The following AKT3 variants were observed in gnomAD, a reference collection of about 807,000 sequenced individuals.
AKT3 encodes RAC-gamma serine/threonine-protein kinase.
A neutral mutation model predicts 65.3 loss-of-function variants in AKT3; 15 were observed. The ratio of observed to expected loss-of-function variants is 0.23; its 90% CI spans 0.15 to 0.35. The LOEUF (loss-of-function observed/expected upper bound fraction) is 0.35, where lower values mean the gene tolerates loss of function less well. Among genes scored for constraint, AKT3 ranks in the 10% least tolerant of loss-of-function variants. AKT3 has a pLI of 1.00. For missense variants in AKT3, 243 were observed against 576.5 expected (o/e 0.42, Z 5.92); for synonymous variants, 206 against 183.8 (o/e 1.12, Z -0.98).
intron 4 of AKT3, 111 bp from the exon 5 acceptor site, chr1:243,646,148 A>T: frequency 2.3e-6 from 2 of 881,214 alleles, no homozygotes; most frequent in Middle Eastern, 5.2e-4. Context: ...GAGATCAAAC[A>T]CACTCAACAC....
chr1:243,719,448 T>C (rs1397298193), intron 2 of AKT3, among the ~76,000 whole-genome samples: 3 of 152,238 alleles, frequency 2.0e-5, no homozygotes, highest in Non-Finnish European at 4.4e-5. Flanking sequence ...AGTTCAACTT[T>C]AGTTTTCCTG....
chr1:243,697,724 T>C (rs182035475), intron 2 of AKT3, among the ~76,000 whole-genome samples: 9 of 152,146 alleles, frequency 5.9e-5, no homozygotes, highest in Non-Finnish European at 1.2e-4. Flanking sequence ...AAAGTAAACA[T>C]TGGAAAGCTG....
At chr1:243,795,478 T>A (rs1330402365) in intron 2 of AKT3, among the ~76,000 whole-genome samples, 2 of 132,552 alleles carry the variant, frequency 1.5e-5, no homozygotes, top group African/African-American at 5.5e-5. Flanking sequence ...TTTTTTTGGT[T>A]TTTTTTTTTT....
chr1:243,669,368 A>G (rs1035154910), intron 3 of AKT3, among the ~76,000 whole-genome samples: 1 of 152,200 alleles, frequency 6.6e-6, no homozygotes, highest in Admixed American at 6.5e-5. Context: ...CAAGAGAAAT[A>G]CTATGGGGTA....
chr1:243,518,151 A>G (rs1401222484), intron 12 of AKT3, among the ~76,000 whole-genome samples: 3 of 152,240 alleles, frequency 2.0e-5, no homozygotes, highest in Non-Finnish European at 2.9e-5. Flanking sequence ...CTTTGAATGA[A>G]AACTACTTTT....
At chr1:243,580,443 T>C (rs1448848356) in intron 8 of AKT3, among the ~76,000 whole-genome samples, 1 of 152,136 alleles carries the variant, frequency 6.6e-6, no homozygotes, top group African/African-American at 2.4e-5. Context: ...AGCAGGACAA[T>C]GTTTTAAATT....
chr1:243,633,221 C>T (rs1415141457), intron 6 of AKT3, among the ~76,000 whole-genome samples: 1 of 152,136 alleles, frequency 6.6e-6, no homozygotes, highest in Non-Finnish European at 1.5e-5. Flanking sequence ...TTCATTAGCA[C>T]TGGACCTGTC....
intron 2 of AKT3, among the ~76,000 whole-genome samples, chr1:243,799,331 T>C (rs1347617965): frequency 1.3e-5 from 2 of 152,208 alleles, no homozygotes; most frequent in Admixed American, 6.5e-5. Context: ...TGAATACATA[T>C]ATACTACCTA....
chr1:243,645,434 T>C (rs1354703370), intron 5 of AKT3, among the ~76,000 whole-genome samples: 2 of 152,142 alleles, frequency 1.3e-5, no homozygotes, highest in Admixed American at 1.3e-4. Flanking sequence ...TAAATAAGAG[T>C]TATTGTTTCC....
intron 3 of AKT3, among the ~76,000 whole-genome samples, chr1:243,667,938 C>T (rs1167932186): frequency 6.6e-6 from 1 of 152,194 alleles, no homozygotes; most frequent in Non-Finnish European, 1.5e-5. Context: ...CCTCACACAC[C>T]CGCACAGCTG....
At chr1:243,637,781 T>G (rs771246154) in intron 5 of AKT3, 39 bp from the exon 6 acceptor site, 22 of 1,401,768 alleles carry the variant, frequency 1.6e-5, no homozygotes, top group Non-Finnish European at 1.9e-5. Flanking sequence ...ATGAAGTATT[T>G]GATGCAATTT....
At chr1:243,772,267 A>G (rs1690234992) in intron 2 of AKT3, among the ~76,000 whole-genome samples, 2 of 152,180 alleles carry the variant, frequency 1.3e-5, no homozygotes, top group Admixed American at 1.3e-4. Context: ...ACAGAATGGG[A>G]GAAAATTTTT....
intron 4 of AKT3, among the ~76,000 whole-genome samples, chr1:243,647,219 T>C (rs1680889282): frequency 1.3e-5 from 2 of 152,238 alleles, no homozygotes; most frequent in Non-Finnish European, 2.9e-5. Flanking sequence ...TTTCAGTCAA[T>C]GATGGACTGC....
At chr1:243,654,598 C>T (rs1198771724) in intron 4 of AKT3, among the ~76,000 whole-genome samples, 2 of 152,084 alleles carry the variant, frequency 1.3e-5, no homozygotes, top group East Asian at 1.9e-4. Flanking sequence ...GGATTATAGG[C>T]ATAAGACACA....
At chr1:243,635,398 G>C (rs940383062) in intron 6 of AKT3, among the ~76,000 whole-genome samples, 2 of 151,334 alleles carry the variant, frequency 1.3e-5, no homozygotes, top group South Asian at 4.2e-4. Context: ...TTAACCCAAA[G>C]CAAGCAGTAG....
intron 12 of AKT3, among the ~76,000 whole-genome samples, chr1:243,521,075 G>A (rs1036002474): frequency 7.9e-5 from 12 of 152,164 alleles, no homozygotes; most frequent in African/African-American, 2.9e-4. Context: ...GCTACTATCA[G>A]ATATCTATAT....
intron 6 of AKT3, among the ~76,000 whole-genome samples, chr1:243,631,920 C>A (rs1679640295): frequency 6.6e-6 from 1 of 152,174 alleles, no homozygotes; most frequent in African/African-American, 2.4e-5. Context: ...TATCTTCAGG[C>A]TCCACTGCTA....
In AKT3 at chr1:243,786,568, A is replaced by G. The variant is rs367945695; in HGVS notation, c.46+56557T>C. 2.6e-5 allele frequency among the ~76,000 whole-genome samples: 4 copies of G among 152,230 alleles called. No homozygotes were observed. The East Asian group carries it at 7.7e-4, about 29-fold the overall frequency. On this transcript the variant is annotated intron_variant, in intron 2 of 13. Transcript: ENST00000673466. The stretch of plus-strand genomic sequence containing the variant: ...TTTATACTTAAATTAGCAAAAGTTA[A>G]CTAGTAAGTTCATTTCTACTAACAA...
At chr1:243,840,396 TG>T (rs1178740036) in intron 2 of AKT3, among the ~76,000 whole-genome samples, 5 of 151,174 alleles carry the variant, frequency 3.3e-5, no homozygotes, top group African/African-American at 4.9e-5. Context: ...ACCTAATGCA[TG>T]GGGGGCTTAA....
Sources: allele counts gnomAD v4.1 joint callset (sites outside exome capture counted in the v4.1 genomes callset), GRCh38; gene constraint gnomAD v4.1.1; transcripts MANE v1.5; gene names NCBI Gene and HGNC (gene_info 2026-07-23, HGNC 2026-07-21).